MDM2: variants seen among roughly 807,000 people sequenced by gnomAD.
MDM2 encodes MDM2 proto-oncogene.
Under a neutral mutation model 64.3 loss-of-function variants are expected in MDM2, and 11 were observed. That is an observed-to-expected ratio of 0.17 (90% CI 0.11 to 0.28). The LOEUF is 0.28. Ranked by LOEUF, MDM2 falls within the 10% of genes least tolerant of loss-of-function variation. The probability of loss-of-function intolerance (pLI) is 1.00; values close to 1 mark genes in which losing one functional copy is unlikely to be tolerated. For missense variants in MDM2, 388 were observed against 577.1 expected (o/e 0.67, Z 3.36); for synonymous variants, 194 against 192.9 (o/e 1.01, Z -0.05).
At chr12:68,828,964 T>G in intron 8 of MDM2, 33 bp downstream of exon 8, 6 of 1,607,166 alleles carry the variant, frequency 3.7e-6, no homozygotes, top group Non-Finnish European at 4.3e-6. Context: ...GGCAAGACTC[T>G]TACTGTTCAA....
intron 7 of MDM2, among the ~76,000 whole-genome samples, chr12:68,825,663 G>A (rs1412835043): frequency 1.3e-5 from 2 of 152,180 alleles, no homozygotes; most frequent in Non-Finnish European, 2.9e-5. Flanking sequence ...AAAAGAGAGA[G>A]AGAGAAAATA....
intron 8 of MDM2, among the ~76,000 whole-genome samples, chr12:68,830,867 A>AT (rs1448005144): frequency 6.6e-6 from 1 of 151,942 alleles, no homozygotes; most frequent in East Asian, 1.9e-4. Flanking sequence ...CACCTGGCTA[A>AT]TTTTTGTATT....
rs1753570779 is a variant in MDM2 at position 68,808,241 on chromosome 12, G to C, written c.-237G>C. ...TGGGGCCTGTGTGGCCCTGTGTGTC[G>C]GAAAGATGGAGCAAGAAGCCGAGCC... On this transcript the variant is annotated 5_prime_UTR_variant, in exon 1 of 11. Coordinates refer to ENST00000258149, the MANE Select transcript of MDM2 (RefSeq NM_002392.6). 5.1e-6 allele frequency: 3 copies of C among 586,702 alleles called. No individual in the cohort carries two copies. The highest frequency in any genetic ancestry group is 9.1e-6 in the Non-Finnish European group (3 of 331,362). 36.3% of individuals were successfully genotyped at this position (586,702 alleles called of 1,614,324 possible).
At chr12:68,828,270 AG>A in intron 7 of MDM2, 1 of 152,432 alleles carries the variant, frequency 6.6e-6, no homozygotes, top group Admixed American at 6.5e-5. Flanking sequence ...AAAAATTCCT[AG>A]ATTTTTTGGT....
intron 2 of MDM2, among the ~76,000 whole-genome samples, 190 bp downstream of exon 2, chr12:68,809,482 C>T (rs181006776): frequency 2.6e-5 from 4 of 152,214 alleles, no homozygotes; most frequent in East Asian, 3.8e-4. Context: ...TTTTTTTAGC[C>T]ATTTGCCACA....
chr12:68,834,472 C>T (rs1883149460), intron 8 of MDM2, among the ~76,000 whole-genome samples: 1 of 149,520 alleles, frequency 6.7e-6, no homozygotes, highest in South Asian at 2.1e-4. Flanking sequence ...CATGGTGGCT[C>T]ACACCTGTAA....
At chr12:68,810,239 G>A (rs571568316) in intron 2 of MDM2, among the ~76,000 whole-genome samples, 1 of 151,788 alleles carries the variant, frequency 6.6e-6, no homozygotes, top group African/African-American at 2.4e-5. Flanking sequence ...GAACCCAGGA[G>A]GCAGAGGTTG....
chr12:68,810,282 C>T (rs1422284291), intron 2 of MDM2, among the ~76,000 whole-genome samples: 1 of 150,460 alleles, frequency 6.6e-6, no homozygotes, highest in African/African-American at 2.4e-5. Flanking sequence ...TTCACTCCAG[C>T]CTGGGCGATA....
rs1021548877 is a variant in MDM2 at position 68,842,309 on chromosome 12, G to A, written c.*2460G>A. On this transcript the variant is annotated 3_prime_UTR_variant, in exon 11 of 11. Coordinates refer to ENST00000258149, the MANE Select transcript of MDM2 (RefSeq NM_002392.6). The stretch of plus-strand genomic sequence containing the variant: ...TCAGGCAAAACTCATCTTGACCCCT[G>A]TTGCAGGCAAAGGAACGCAGCTGGA... 33 of 496,028 alleles carry A rather than the reference G, an allele frequency of 6.7e-5. No homozygotes were observed. In the Admixed American group the frequency reaches 7.1e-4, roughly 11 times the overall value. 30.7% of individuals were successfully genotyped at this position (496,028 alleles called of 1,614,324 possible).
chr12:68,813,768 C>T (rs1881117945), intron 3 of MDM2, 140 bp downstream of exon 3: 1 of 612,400 alleles, frequency 1.6e-6, no homozygotes, highest in Admixed American at 3.1e-5. Flanking sequence ...GTCGTTTGGA[C>T]TATATTTTAA....
At chr12:68,809,855 C>G (rs1880707485) in intron 2 of MDM2, among the ~76,000 whole-genome samples, 1 of 152,088 alleles carries the variant, frequency 6.6e-6, no homozygotes. Flanking sequence ...CTACAGAATT[C>G]TTTTTAATGG....
At chr12:68,828,968 T>G in intron 8 of MDM2, 37 bp downstream of exon 8, 6 of 1,604,092 alleles carry the variant, frequency 3.7e-6, no homozygotes, top group Non-Finnish European at 5.1e-6. Context: ...AGACTCTTAC[T>G]GTTCAAAGTC....
chr12:68,835,979 G>T lies in MDM2; in HGVS notation c.835G>T (p.Asp279Tyr). The T allele has an allele frequency of 6.3e-7, 1 of 1,599,818 alleles. No homozygotes were observed. Among genetic ancestry groups the T allele is most frequent in the South Asian group, 1.1e-5 (1 of 87,538 alleles). The change falls in exon 9 of 11, where the codon GAT becomes TAT. Residue 279 changes from aspartate to tyrosine, a missense_variant. By Grantham distance (160) the Asp-to-Tyr change is radical. Transcript: ENST00000258149. ...AGGACAAGAACTCTCAGATGAAGAT[G>T]ATGAGGTAGTATTTTTTTTCCCCTC... ...EEGQELSDED[D>Y]EVYQVTVYQA...
intron 9 of MDM2, among the ~76,000 whole-genome samples, chr12:68,836,252 A>G (rs146832661): frequency 1.3e-5 from 2 of 152,262 alleles, no homozygotes; most frequent in East Asian, 3.9e-4. Flanking sequence ...TTTTAAAAAC[A>G]TATAATTCAA....
chr12:68,825,813 C>A (rs1291135377), intron 7 of MDM2, among the ~76,000 whole-genome samples: 2 of 152,080 alleles, frequency 1.3e-5, no homozygotes, highest in African/African-American at 4.8e-5. Flanking sequence ...ATAAATGAAC[C>A]CAGACCAGAA....
downstream of MDM2, chr12:68,847,655 G>A (rs1260479878): frequency 6.6e-6 from 1 of 151,232 alleles, no homozygotes; most frequent in Non-Finnish European, 1.5e-5. Context: ...GGGTTTCACC[G>A]TGTTAGCCAA....
rs2136169092 is a variant in MDM2 at position 68,835,956 on chromosome 12, G to A, written c.812G>A (p.Gly271Glu). The change falls in exon 9 of 11, where the codon GGA (glycine) becomes GAA (glutamate). Residue 271 changes from glycine (G) to glutamate (E), a missense_variant. Physicochemically the swap from Gly to Glu is moderately conservative, Grantham distance 98 (BLOSUM62 -2). Coordinates refer to ENST00000258149, the MANE Select transcript of MDM2 (RefSeq NM_002392.6). Reference sequence around the variant, plus strand: ...GAAGATTATAGCCTTAGTGAAGAAGGACAAGAACTCTCAGATGAAGATGAT... The same window carrying A: ...GAAGATTATAGCCTTAGTGAAGAAGAACAAGAACTCTCAGATGAAGATGAT... ...DSEDYSLSEEGQELSDEDDEV... is the reference protein window; with the variant it reads ...DSEDYSLSEEEQELSDEDDEV... 1 of 1,609,552 alleles carries A rather than the reference G, an allele frequency of 6.2e-7. No homozygotes were observed. The highest frequency in any genetic ancestry group is 8.5e-7 in the Non-Finnish European group (1 of 1,177,478).
At chr12:68,829,005 C>CACAT (rs1882579272) in intron 8 of MDM2, 74 bp downstream of exon 8, 1 of 1,410,356 alleles carries the variant, frequency 7.1e-7, no homozygotes, top group Non-Finnish European at 9.8e-7. Context: ...AATAAGGATA[C>CACAT]GGATAGAATG....
rs150603674 is a variant in MDM2, at chr12:68,840,244, G to A, written c.*395G>A. On this transcript the variant is annotated 3_prime_UTR_variant, in exon 11 of 11. Coordinates refer to ENST00000258149, the MANE Select transcript of MDM2 (RefSeq NM_002392.6). The stretch of plus-strand genomic sequence containing the variant: ...ACTGCAAGCTCTGCCTCCCGGGTTC[G>A]CACCATTCTCCTGCCTCAGCCTCCC... 23 of 186,394 alleles carry A rather than the reference G, an allele frequency of 1.2e-4. No individual in the cohort carries two copies. The highest frequency in any genetic ancestry group is 3.8e-4 in the African/African-American group (16 of 41,662). The allele number at this position is 186,394 out of a possible 1,614,324, so 11.5% of individuals were successfully genotyped here.
Sources: gnomAD v4.1 joint callset for allele counts (sites outside exome capture counted in the v4.1 genomes callset) on GRCh38, gnomAD v4.1.1 for gene constraint, MANE v1.5 for transcripts, NCBI Gene and HGNC (gene_info 2026-07-23, HGNC 2026-07-21) for gene names.